Variants in CAPZB observed in about 807,000 individuals in gnomAD.
The protein encoded by CAPZB is capping actin protein of muscle Z-line subunit beta, also known as F-actin-capping protein subunit beta.
A neutral mutation model predicts 38.1 loss-of-function variants in CAPZB; 2 were observed. The observed-to-expected ratio is 0.05, with a 90% CI of 0.02 to 0.17. The LOEUF is 0.17. Among genes scored for constraint, CAPZB ranks in the 10% least tolerant of loss-of-function variants. CAPZB has a pLI of 1.00. For missense variants in CAPZB, 161 were observed against 334.2 expected (o/e 0.48, Z 4.04); for synonymous variants, 107 against 127.4 (o/e 0.84, Z 1.08).
At chr1:19,405,081 G>A (rs2094324312) in intron 2 of CAPZB, among the ~76,000 whole-genome samples, 1 of 152,132 alleles carries the variant, frequency 6.6e-6, no homozygotes, top group Non-Finnish European at 1.5e-5. Context: ...CAGGGGCTGA[G>A]GTCTCCTGAG....
At chr1:19,401,253 G>A (rs994543760) in intron 2 of CAPZB, among the ~76,000 whole-genome samples, 4 of 151,858 alleles carry the variant, frequency 2.6e-5, no homozygotes, top group Admixed American at 6.6e-5. Context: ...GGCTTTCAAG[G>A]AGACTTGCTG....
At chr1:19,392,365 G>A (rs1463726798) in intron 2 of CAPZB, among the ~76,000 whole-genome samples, 2 of 151,890 alleles carry the variant, frequency 1.3e-5, no homozygotes, top group African/African-American at 2.4e-5. Context: ...CAAGAAGAGG[G>A]AAGAGCTGGC....
At chr1:19,425,305 T>G (rs1039698176) in intron 1 of CAPZB, among the ~76,000 whole-genome samples, 19 of 152,238 alleles carry the variant, frequency 1.2e-4, no homozygotes, top group African/African-American at 3.9e-4. Flanking sequence ...CCTTATCCTC[T>G]GGAATTCTCT....
At position 19,416,860 on chromosome 1, in the gene CAPZB, C is replaced by CAAAAAAAAAAAAA. The variant is rs59789230; in HGVS notation, c.93+2788_93+2800dup. On this transcript the variant is annotated intron_variant, in intron 2 of 8. Transcript: ENST00000264202. ...TGGGTGACAGAGCAAGACCCTGTCT[C>CAAAAAAAAAAAAA]AAAAAAAAAAAAAAAAAAAAAAAAA... 1.4e-3 allele frequency among the ~76,000 whole-genome samples: 100 copies of CAAAAAAAAAAAAA among 69,428 alleles called. 13 individuals are homozygous for CAAAAAAAAAAAAA. The highest frequency in any genetic ancestry group is 5.3e-3 in the African/African-American group (89 of 16,794). 45.5% of individuals were successfully genotyped at this position (69,428 alleles called of 152,430 possible).
chr1:19,363,544 G>C (rs1022141510), intron 4 of CAPZB, among the ~76,000 whole-genome samples: 4 of 152,038 alleles, frequency 2.6e-5, no homozygotes, highest in Admixed American at 6.6e-5. Flanking sequence ...AGGACTTCTG[G>C]GGGGAAGGAG....
intron 2 of CAPZB, among the ~76,000 whole-genome samples, chr1:19,401,091 T>C (rs1292754263): frequency 6.6e-6 from 1 of 151,862 alleles, no homozygotes; most frequent in Non-Finnish European, 1.5e-5. Flanking sequence ...CTTGCCAGCT[T>C]CCAATGCCAT....
At chr1:19,389,233 C>G (rs990473996) in intron 2 of CAPZB, among the ~76,000 whole-genome samples, 1 of 152,172 alleles carries the variant, frequency 6.6e-6, no homozygotes, top group Non-Finnish European at 1.5e-5. Context: ...CCCTCCACCT[C>G]TGCCCGAAAC....
chr1:19,480,554 A>G (rs2094624546), intron 1 of CAPZB, among the ~76,000 whole-genome samples: 1 of 152,188 alleles, frequency 6.6e-6, no homozygotes, highest in South Asian at 2.1e-4. Flanking sequence ...GGGTACTCAG[A>G]GGGAACCAAA....
intron 1 of CAPZB, among the ~76,000 whole-genome samples, chr1:19,426,273 T>C (rs778040969): frequency 2.0e-5 from 3 of 152,212 alleles, no homozygotes. Flanking sequence ...TCCACTTTTC[T>C]GTGAAGGTTT....
chr1:19,391,718 G>A (rs753346055), intron 2 of CAPZB, among the ~76,000 whole-genome samples: 17 of 152,158 alleles, frequency 1.1e-4, no homozygotes, highest in Non-Finnish European at 1.6e-4. Flanking sequence ...ACCTTCCTAA[G>A]TCTCTGGAAC....
chr1:19,357,036 T>TC lies in CAPZB; in HGVS notation c.472-286_472-285insG. ...GCCACCACGCCTGGCTAATGTTTTT[T>TC]GTGTTTTTGGTAGAGATGCGGTTTC... On this transcript the variant is annotated intron_variant, in intron 5 of 8. Transcript: ENST00000264202. The surrounding 1 kb of genome is among the most constrained non-coding windows in gnomAD (Gnocchi z 4.3). Among the ~76,000 whole-genome samples, 1 of 152,144 alleles carries TC rather than the reference T, an allele frequency of 6.6e-6. No individual in the cohort carries two copies. The highest frequency in any genetic ancestry group is 1.9e-4 in the East Asian group (1 of 5,160).
chr1:19,367,870 A>G (rs1397221124), intron 4 of CAPZB, among the ~76,000 whole-genome samples: 1 of 152,210 alleles, frequency 6.6e-6, no homozygotes, highest in African/African-American at 2.4e-5. Context: ...GGGGCCGGCT[A>G]TCTGGCTCTG....
chr1:19,460,527 G>A (rs933315588), intron 1 of CAPZB, among the ~76,000 whole-genome samples: 9 of 149,358 alleles, frequency 6.0e-5, no homozygotes, highest in East Asian at 4.0e-4. Flanking sequence ...CACCTGCCTC[G>A]GCCTCCCAAA....
chr1:19,463,573 T>C (rs2094559342), intron 1 of CAPZB, among the ~76,000 whole-genome samples: 1 of 152,186 alleles, frequency 6.6e-6, no homozygotes, highest in Admixed American at 6.5e-5. Flanking sequence ...CAAAAGGCCC[T>C]GTGAGCTGGA....
At chr1:19,375,386 G>A (rs1410547464) in intron 4 of CAPZB, among the ~76,000 whole-genome samples, 4 of 152,166 alleles carry the variant, frequency 2.6e-5, no homozygotes, top group Non-Finnish European at 5.9e-5. Flanking sequence ...TTGGTGGTCT[G>A]CGGTCCCTGT....
intron 2 of CAPZB, among the ~76,000 whole-genome samples, chr1:19,409,891 T>A (rs1213216314): frequency 6.6e-6 from 1 of 152,240 alleles, no homozygotes; most frequent in Non-Finnish European, 1.5e-5. Flanking sequence ...ATACTGATGT[T>A]TGCTCTCTGG....
At chr1:19,404,120 C>T (rs1326894008) in intron 2 of CAPZB, among the ~76,000 whole-genome samples, 1 of 151,298 alleles carries the variant, frequency 6.6e-6, no homozygotes, top group Non-Finnish European at 1.5e-5. Context: ...GTAGTCCCAG[C>T]TACTCGGGAG....
chr1:19,413,816 C>A (rs1196644879), intron 2 of CAPZB, among the ~76,000 whole-genome samples: 1 of 152,108 alleles, frequency 6.6e-6, no homozygotes, highest in African/African-American at 2.4e-5. Context: ...CAGGGGTAGT[C>A]GTCTTGGGTC....
At chr1:19,343,966 G>C (rs1456242821) in intron 8 of CAPZB, among the ~76,000 whole-genome samples, 2 of 152,190 alleles carry the variant, frequency 1.3e-5, no homozygotes, top group African/African-American at 4.8e-5. Context: ...CTGCTGTCTC[G>C]GAGAGCAGGC....
Sources: gnomAD v4.1 joint callset for allele counts (sites outside exome capture counted in the v4.1 genomes callset) on GRCh38, gnomAD v4.1.1 for gene constraint, Gnocchi (gnomAD v3.1) non-coding constraint, MANE v1.5 for transcripts, NCBI Gene and HGNC (gene_info 2026-07-23, HGNC 2026-07-21) for gene names.